The following GPBP1 variants were observed in gnomAD, a reference collection of about 807,000 sequenced individuals.
GPBP1 encodes GC-rich promoter binding protein 1.
In GPBP1, 13 loss-of-function variants were observed where a neutral mutation model predicts 56.5. The ratio of observed to expected loss-of-function variants is 0.23; its 90% confidence interval spans 0.15 to 0.37. The LOEUF is 0.37. GPBP1 is among the 10% of genes least tolerant of loss of function. The pLI is 1.00. For missense variants in GPBP1, 477 were observed against 572.3 expected, an observed-to-expected ratio of 0.83 and a Z score of 1.70; for synonymous variants, 204 against 188.9, an observed-to-expected ratio of 1.08 and a Z score of -0.66.
In GPBP1 at chr5:57,256,233, C is replaced by T. The variant is rs145928211; in HGVS notation, c.1161-4947C>T. Among the ~76,000 whole-genome samples the T allele has an allele frequency of 2.5e-3, 372 of 151,766 alleles. 2 individuals carry two copies. Among genetic ancestry groups the T allele is most frequent in the Non-Finnish European group, 2.6e-3 (174 of 67,960 alleles). On this transcript the variant is annotated intron_variant, in intron 10 of 11. Coordinates refer to ENST00000506184, the MANE Select transcript of GPBP1 (RefSeq NM_022913.4). The stretch of plus-strand genomic sequence containing the variant: ...TCGCACCACTGAACTCTAGCCTGGA[C>T]GGCAGAGCAAGACTCCATTCTCAAA...
chr5:57,241,494 G>A (rs779148567), intron 6 of GPBP1, among the ~76,000 whole-genome samples: 7 of 152,274 alleles, frequency 4.6e-5, no homozygotes, highest in Admixed American at 2.0e-4. Flanking sequence ...GGGAGGCCGA[G>A]GTGGGAAGAT....
intron 6 of GPBP1, among the ~76,000 whole-genome samples, chr5:57,240,003 G>C (rs920245479): frequency 6.6e-6 from 1 of 152,160 alleles, no homozygotes; most frequent in Non-Finnish European, 1.5e-5. Context: ...GCTCATGCCT[G>C]TAATCCCAGC....
rs550853710 is a variant in GPBP1 at position 57,261,958 on chromosome 5, T to A, written c.1264-636T>A. 5.9e-5 allele frequency among the ~76,000 whole-genome samples: 9 copies of A among 152,294 alleles called. No individual in the cohort carries two copies. The East Asian group carries it at 1.7e-3, about 29-fold the overall frequency. On this transcript the variant is annotated intron_variant, in intron 11 of 11. Transcript: ENST00000506184. ...AGTGCAGTGGCTGGTCATAGCTCAC[T>A]GCATCCCCAAATTTCTGGGCTCAAG...
intron 2 of GPBP1, among the ~76,000 whole-genome samples, chr5:57,179,105 A>G (rs190952450): frequency 7.9e-5 from 12 of 152,322 alleles, no homozygotes; most frequent in African/African-American, 2.9e-4. Flanking sequence ...TAAATGTTCA[A>G]GCAGTCTGAC....
intron 2 of GPBP1, among the ~76,000 whole-genome samples, chr5:57,184,186 C>T (rs376468887): frequency 6.6e-6 from 1 of 151,986 alleles, no homozygotes; most frequent in Non-Finnish European, 1.5e-5. Context: ...GAGCCGAGAT[C>T]GTGCCACTGC....
intron 2 of GPBP1, among the ~76,000 whole-genome samples, chr5:57,176,698 A>G (rs1753801430): frequency 6.6e-6 from 1 of 152,210 alleles, no homozygotes; most frequent in Non-Finnish European, 1.5e-5. Context: ...TAGGCTTTGA[A>G]GATTCATTCA....
intron 6 of GPBP1, 65 bp from the exon 7 acceptor site, chr5:57,246,235 G>T (rs1172190613): frequency 2.3e-6 from 3 of 1,287,382 alleles, no homozygotes; most frequent in Non-Finnish European, 3.2e-6. Flanking sequence ...TGTTCTTTTG[G>T]TGGTTTTATT....
At chr5:57,210,154 G>C (rs1755410967) in intron 2 of GPBP1, among the ~76,000 whole-genome samples, 2 of 152,096 alleles carry the variant, frequency 1.3e-5, no homozygotes, top group Admixed American at 6.6e-5. Context: ...TGTATTTTTT[G>C]CCAAAGTGTA....
chr5:57,188,827 C>G (rs1347889924), intron 2 of GPBP1, among the ~76,000 whole-genome samples: 1 of 152,290 alleles, frequency 6.6e-6, no homozygotes, highest in East Asian at 1.9e-4. Flanking sequence ...GCTCCACCAG[C>G]TACCTATTTA....
At chr5:57,210,901 T>A (rs1028661178) in intron 2 of GPBP1, among the ~76,000 whole-genome samples, 2 of 152,208 alleles carry the variant, frequency 1.3e-5, no homozygotes, top group African/African-American at 2.4e-5. Flanking sequence ...CCACTCTAAT[T>A]GCCTCATTTG....
intron 2 of GPBP1, among the ~76,000 whole-genome samples, chr5:57,198,779 C>A (rs1305828210): frequency 6.6e-6 from 1 of 152,112 alleles, no homozygotes; most frequent in Admixed American, 6.5e-5. Context: ...ACCTCGGTGG[C>A]AGAGGTTGTA....
intron 10 of GPBP1, among the ~76,000 whole-genome samples, chr5:57,251,990 C>T (rs1178337848): frequency 6.6e-6 from 1 of 152,126 alleles, no homozygotes; most frequent in African/African-American, 2.4e-5. Context: ...ATACTTCGCT[C>T]ATTTAAAAAT....
At chr5:57,227,857 T>C (rs903123730) in intron 3 of GPBP1, among the ~76,000 whole-genome samples, 1 of 152,120 alleles carries the variant, frequency 6.6e-6, no homozygotes, top group Admixed American at 6.6e-5. Flanking sequence ...CTCTGACATA[T>C]AGCCAGCATA....
chr5:57,189,484 C>T lies in GPBP1; in HGVS notation c.-58+13084C>T, dbSNP rs2111624990. On this transcript the variant is annotated intron_variant, in intron 2 of 11. Coordinates refer to ENST00000506184, the MANE Select transcript of GPBP1 (RefSeq NM_022913.4). ...TGTTGGACAGGCAGGTCTCGAACTCCTGGCCTGTGGTGATCCACCCACCTT... is the reference window on the plus strand; with the variant it reads ...TGTTGGACAGGCAGGTCTCGAACTCTTGGCCTGTGGTGATCCACCCACCTT... 1.3e-5 allele frequency among the ~76,000 whole-genome samples: 2 copies of T among 152,306 alleles called. 1 individual carries two copies. Among genetic ancestry groups the T allele is most frequent in the South Asian group, 4.1e-4 (2 of 4,822 alleles).
chr5:57,202,530 C>T (rs1352117724), intron 2 of GPBP1, among the ~76,000 whole-genome samples: 2 of 152,196 alleles, frequency 1.3e-5, no homozygotes, highest in African/African-American at 2.4e-5. Flanking sequence ...CTGCAGTGAT[C>T]AGCCTGTTTC....
Position 57,227,569 on chromosome 5 carries a change from T to C in GPBP1, c.64-3277T>C, listed in dbSNP as rs145110095. 2.7e-3 allele frequency among the ~76,000 whole-genome samples: 409 copies of C among 152,330 alleles called. 2 individuals carry two copies. The highest frequency in any genetic ancestry group is 9.7e-3 in the African/African-American group (402 of 41,554). ...TTGCATGGGCCGTTTCTTGGTTGTT[T>C]GCAGTAAGCAACATTGAGGGACAAA... On this transcript the variant is annotated intron_variant, in intron 3 of 11. Coordinates refer to ENST00000506184, the MANE Select transcript of GPBP1 (RefSeq NM_022913.4).
At chr5:57,201,684 T>A (rs563682664) in intron 2 of GPBP1, among the ~76,000 whole-genome samples, 20 of 152,336 alleles carry the variant, frequency 1.3e-4, no homozygotes, top group African/African-American at 4.3e-4. Flanking sequence ...CATTCTTTTT[T>A]ATATTAAAAC....
intron 2 of GPBP1, among the ~76,000 whole-genome samples, chr5:57,193,241 G>A (rs950739865): frequency 1.3e-5 from 2 of 152,074 alleles, no homozygotes; most frequent in African/African-American, 4.8e-5. Flanking sequence ...TGCTTGAACT[G>A]GGAGGCCGAG....
At chr5:57,187,757 A>G (rs1035281548) in intron 2 of GPBP1, among the ~76,000 whole-genome samples, 2 of 151,612 alleles carry the variant, frequency 1.3e-5, no homozygotes, top group African/African-American at 4.9e-5. Context: ...TAATACAGAC[A>G]GTGGTGTTGT....
Sources: allele counts gnomAD v4.1 joint callset (sites outside exome capture counted in the v4.1 genomes callset), GRCh38; gene constraint gnomAD v4.1.1; transcripts MANE v1.5; gene names NCBI Gene and HGNC (gene_info 2026-07-23, HGNC 2026-07-21).